Variants in ASTN2 observed in about 807,000 individuals in gnomAD.
ASTN2 encodes the protein astrotactin-2.
A neutral mutation model predicts 139.8 loss-of-function variants in ASTN2; 54 were observed. The observed-to-expected ratio is 0.39, with a 90% confidence interval of 0.31 to 0.48. ASTN2 has a LOEUF of 0.48. Among genes scored for constraint, ASTN2 ranks in the 20% least tolerant of loss-of-function variants. The pLI, the probability that ASTN2 is intolerant of heterozygous loss-of-function variation, is 0.95. For missense variants in ASTN2, 1,565 were observed against 1,725.1 expected (o/e 0.91, Z 1.64); for synonymous variants, 756 against 719.5 (o/e 1.05, Z -0.81).
At chr9:116,666,505 G>A (rs544508019) in intron 16 of ASTN2, among the ~76,000 whole-genome samples, 1 of 151,992 alleles carries the variant, frequency 6.6e-6, no homozygotes, top group African/African-American at 2.4e-5. Context: ...AATACTTGTG[G>A]TTGACCAAAC....
intron 1 of ASTN2, among the ~76,000 whole-genome samples, chr9:117,345,848 A>C (rs1829198258): frequency 6.6e-6 from 1 of 151,908 alleles, no homozygotes; most frequent in Non-Finnish European, 1.5e-5. Flanking sequence ...CTTCCACCCC[A>C]TCTCTTCACC....
intron 4 of ASTN2, among the ~76,000 whole-genome samples, chr9:117,138,505 G>C (rs569769926): frequency 6.6e-6 from 1 of 152,346 alleles, no homozygotes; most frequent in Admixed American, 6.5e-5. Flanking sequence ...GCCAGAGCCA[G>C]ATCCGCAAGC....
intron 20 of ASTN2, among the ~76,000 whole-genome samples, chr9:116,476,127 C>T (rs1248318716): frequency 6.6e-6 from 1 of 152,142 alleles, no homozygotes; most frequent in East Asian, 1.9e-4. Flanking sequence ...GGAAAGAATC[C>T]TTCCTTGCCA....
At chr9:116,578,684 C>T (rs995619112) in intron 19 of ASTN2, among the ~76,000 whole-genome samples, 14 of 146,230 alleles carry the variant, frequency 9.6e-5, no homozygotes, top group Non-Finnish European at 2.1e-4. Context: ...TGTACAGTAC[C>T]AATCCCTGAA....
intron 10 of ASTN2, among the ~76,000 whole-genome samples, chr9:116,890,807 G>A (rs1312481542): frequency 1.3e-5 from 2 of 152,148 alleles, no homozygotes; most frequent in Non-Finnish European, 2.9e-5. Context: ...GTAAGTGGCA[G>A]GGGGGTGGAG....
rs139222750 is a variant in ASTN2, at chr9:117,058,727, C to T, written c.1277-18762G>A. Among the ~76,000 whole-genome samples the T allele has an allele frequency of 3.2e-3, 483 of 152,262 alleles. 4 individuals carry two copies. The highest frequency in any genetic ancestry group is 0.028 in the South Asian group (133 of 4,826). On this transcript the variant is annotated intron_variant, in intron 5 of 22. Transcript: ENST00000313400. ...GAGCTGAAACAGAAACAGACATGGA[C>T]GCCATCCTCATGAAGTTTCCAGTCT...
At chr9:116,515,415 T>G (rs975802804) in intron 19 of ASTN2, among the ~76,000 whole-genome samples, 1 of 152,138 alleles carries the variant, frequency 6.6e-6, no homozygotes, top group Non-Finnish European at 1.5e-5. Context: ...AACAAAGGGA[T>G]AGAGTCCATT....
intron 17 of ASTN2, among the ~76,000 whole-genome samples, chr9:116,631,196 C>T (rs1226736138): frequency 6.6e-6 from 1 of 152,162 alleles, no homozygotes; most frequent in African/African-American, 2.4e-5. Context: ...CCAATAATCT[C>T]ACTACTGGGC....
intron 16 of ASTN2, among the ~76,000 whole-genome samples, chr9:116,687,605 G>T (rs1285386689): frequency 1.3e-5 from 2 of 151,230 alleles, no homozygotes; most frequent in Non-Finnish European, 3.0e-5. Flanking sequence ...AGATGCAGCT[G>T]GGGGAGGGGA....
chr9:117,081,034 T>C (rs1460395818), intron 5 of ASTN2, among the ~76,000 whole-genome samples: 1 of 152,196 alleles, frequency 6.6e-6, no homozygotes, highest in African/African-American at 2.4e-5. Flanking sequence ...GGCCACTTTT[T>C]CTAAAGTCTA....
intron 19 of ASTN2, among the ~76,000 whole-genome samples, chr9:116,503,011 G>A (rs1849945996): frequency 7.3e-6 from 1 of 137,346 alleles, no homozygotes; most frequent in African/African-American, 2.7e-5. Flanking sequence ...AAGGAAGGAA[G>A]ATGAAAGGAA....
intron 1 of ASTN2, among the ~76,000 whole-genome samples, chr9:117,361,345 T>G (rs1829687774): frequency 6.6e-6 from 1 of 152,106 alleles, no homozygotes; most frequent in African/African-American, 2.4e-5. Flanking sequence ...CTCCCATGCA[T>G]GGGGTCGTGT....
chr9:117,233,585 G>A (rs1832959980), intron 2 of ASTN2, among the ~76,000 whole-genome samples: 1 of 152,162 alleles, frequency 6.6e-6, no homozygotes, highest in African/African-American at 2.4e-5. Flanking sequence ...ACTGAAGTCT[G>A]TTAAGCAAAT....
chr9:116,531,364 T>C (rs576930901), intron 19 of ASTN2, among the ~76,000 whole-genome samples: 9 of 152,336 alleles, frequency 5.9e-5, no homozygotes, highest in African/African-American at 1.9e-4. Flanking sequence ...TGCTTACTGA[T>C]GTTTACAATT....
At chr9:117,380,729 C>A (rs1244338201) in intron 1 of ASTN2, among the ~76,000 whole-genome samples, 2 of 152,070 alleles carry the variant, frequency 1.3e-5, no homozygotes, top group African/African-American at 4.8e-5. Context: ...TGAGGTACCA[C>A]TTCACCCCAC....
rs371054320 is a variant in ASTN2, at chr9:117,141,371, G to A, written c.1123C>T (p.Arg375Cys). ...IEIGQLQPPL[R>C]STSAGKRKRR... The stretch of plus-strand genomic sequence containing the variant: ...TTCCTCTTCCCTGCCGATGTGCTGC[G>A]CAGGGGTGGTTGCAGCTGACCGATC... Residue 375 changes from arginine to cysteine, a missense_variant, in exon 4 of 23, where the codon CGC (arginine) becomes TGC (cysteine). Physicochemically the swap from Arg to Cys is radical, Grantham distance 180. Transcript: ENST00000313400. The A allele has an allele frequency of 1.7e-5, 23 of 1,367,404 alleles. No homozygotes were observed. Among genetic ancestry groups the A allele is most frequent in the Admixed American group, 9.5e-5 (5 of 52,534 alleles). The allele number at this position is 1,367,404 out of a possible 1,614,324, so 84.7% of individuals were successfully genotyped here.
At chr9:116,943,321 A>T (rs1393389496) in intron 10 of ASTN2, among the ~76,000 whole-genome samples, 1 of 152,162 alleles carries the variant, frequency 6.6e-6, no homozygotes, top group Non-Finnish European at 1.5e-5. Context: ...GCTCAGAGTA[A>T]AGAGACACAG....
intron 10 of ASTN2, among the ~76,000 whole-genome samples, chr9:116,939,267 T>C (rs1352082130): frequency 6.6e-6 from 1 of 152,168 alleles, no homozygotes; most frequent in African/African-American, 2.4e-5. Context: ...TAGTAGTAGC[T>C]ATAGTAAGAT....
chr9:117,274,803 C>T (rs1164409342), intron 2 of ASTN2, among the ~76,000 whole-genome samples: 1 of 152,288 alleles, frequency 6.6e-6, no homozygotes. Context: ...AAGGGGTGGG[C>T]CTTTCCTCTG....
Sources: gnomAD v4.1 joint callset for allele counts (sites outside exome capture counted in the v4.1 genomes callset) on GRCh38, gnomAD v4.1.1 for gene constraint, MANE v1.5 for transcripts, NCBI Gene and HGNC (gene_info 2026-07-23, HGNC 2026-07-21) for gene names.